The following ZNF804B variants were observed in gnomAD, a reference collection of about 807,000 sequenced individuals.
The protein encoded by ZNF804B is zinc finger 804B.
Under a neutral mutation model 101.4 loss-of-function variants are expected in ZNF804B, and 80 were observed. The observed-to-expected ratio is 0.79, with a 90% CI of 0.66 to 0.95. ZNF804B has a LOEUF of 0.95. ZNF804B is among the 40% of genes least tolerant of loss of function. The probability of loss-of-function intolerance (pLI) is 0.00; values close to 1 mark genes in which losing one functional copy is unlikely to be tolerated. For synonymous variants in ZNF804B, 622 were observed against 558.8 expected (o/e 1.11, Z -1.59); for missense variants, 1,673 against 1,561.9 (o/e 1.07, Z -1.20).
chr7:89,289,783 C>T (rs1790258197), intron 2 of ZNF804B, among the ~76,000 whole-genome samples: 1 of 152,150 alleles, frequency 6.6e-6, no homozygotes, highest in Non-Finnish European at 1.5e-5. Flanking sequence ...GTAGTCTAGG[C>T]CACAAAGACT....
chr7:88,820,574 G>A lies in ZNF804B; in HGVS notation c.108+60490G>A, dbSNP rs1790962030. On this transcript the variant is annotated intron_variant, in intron 1 of 3. Coordinates refer to ENST00000333190, the MANE Select transcript of ZNF804B (RefSeq NM_181646.5). ...GTGGCTTGCAGTTGTTAAGTCACTT[G>A]AAGTAGATGCCTGTAATGTTCTGGA... is the stretch of plus-strand genomic sequence containing the variant. Among the ~76,000 whole-genome samples, 3 of 152,184 alleles carry A rather than the reference G, an allele frequency of 2.0e-5. No homozygotes were observed. In the South Asian group the frequency reaches 6.2e-4, roughly 31 times the overall value.
intron 1 of ZNF804B, among the ~76,000 whole-genome samples, chr7:89,059,271 A>AC (rs1266563245): frequency 3.9e-4 from 60 of 152,306 alleles, no homozygotes; most frequent in Non-Finnish European, 1.8e-4. Flanking sequence ...ATAAAGAAAT[A>AC]CCTGAGGCTG....
chr7:88,924,645 A>G (rs1434628677), intron 1 of ZNF804B, among the ~76,000 whole-genome samples: 2 of 152,190 alleles, frequency 1.3e-5, no homozygotes, highest in Admixed American at 6.5e-5. Flanking sequence ...CTCTTCCACA[A>G]GAAATTTACA....
intron 1 of ZNF804B, among the ~76,000 whole-genome samples, chr7:88,929,662 AT>A (rs1306391170): frequency 1.3e-5 from 2 of 151,942 alleles, no homozygotes; most frequent in African/African-American, 2.4e-5. Context: ...TGCTGTAAAC[AT>A]TTCCTGATTC....
At chr7:89,060,104 G>A (rs1789356060) in intron 1 of ZNF804B, among the ~76,000 whole-genome samples, 1 of 152,086 alleles carries the variant, frequency 6.6e-6, no homozygotes, top group Admixed American at 6.6e-5. Context: ...GAGGCCTTGG[G>A]ACTTGGACTG....
At chr7:89,094,394 T>C (rs754033430) in intron 1 of ZNF804B, among the ~76,000 whole-genome samples, 7 of 152,202 alleles carry the variant, frequency 4.6e-5, no homozygotes, top group Non-Finnish European at 8.8e-5. Context: ...TCCAGTTGTC[T>C]TTTTGAGGTT....
At chr7:89,134,976 T>C (rs1224766599) in intron 1 of ZNF804B, among the ~76,000 whole-genome samples, 1 of 152,112 alleles carries the variant, frequency 6.6e-6, no homozygotes, top group Non-Finnish European at 1.5e-5. Flanking sequence ...AATATTTCAG[T>C]GGTGGAAAAA....
chr7:88,777,010 G>C (rs895322833), intron 1 of ZNF804B, among the ~76,000 whole-genome samples: 1 of 152,102 alleles, frequency 6.6e-6, no homozygotes, highest in Non-Finnish European at 1.5e-5. Context: ...ATTGCCCCTA[G>C]AGCTGGAAGG....
chr7:88,946,110 G>C (rs899383596), intron 1 of ZNF804B, among the ~76,000 whole-genome samples: 2 of 152,044 alleles, frequency 1.3e-5, no homozygotes, highest in Admixed American at 6.6e-5. Flanking sequence ...TCCCTGGCTA[G>C]AACTTCCAAT....
chr7:88,800,035 G>T (rs1413738984), intron 1 of ZNF804B, among the ~76,000 whole-genome samples: 1 of 151,866 alleles, frequency 6.6e-6, no homozygotes, highest in Non-Finnish European at 1.5e-5. Flanking sequence ...CTGTGCTCAG[G>T]TCCTAGCGAA....
intron 1 of ZNF804B, among the ~76,000 whole-genome samples, chr7:89,087,505 A>G (rs1369145114): frequency 6.6e-6 from 1 of 151,994 alleles, no homozygotes; most frequent in Non-Finnish European, 1.5e-5. Flanking sequence ...CACTAAGTAA[A>G]TATTACAGTT....
intron 2 of ZNF804B, among the ~76,000 whole-genome samples, chr7:89,294,701 T>C (rs1790351713): frequency 1.3e-5 from 2 of 152,040 alleles, no homozygotes; most frequent in Admixed American, 6.6e-5. Flanking sequence ...AATTCACTGA[T>C]ATTAAAATTT....
intron 1 of ZNF804B, among the ~76,000 whole-genome samples, chr7:89,122,042 A>C (rs1212421283): frequency 6.6e-6 from 1 of 151,508 alleles, no homozygotes; most frequent in Non-Finnish European, 1.5e-5. Context: ...TATATTAATT[A>C]TGCTATATGT....
At chr7:88,787,597 A>G (rs1020275667) in intron 1 of ZNF804B, among the ~76,000 whole-genome samples, 1 of 152,200 alleles carries the variant, frequency 6.6e-6, no homozygotes, top group African/African-American at 2.4e-5. Context: ...TTCTTCAAAG[A>G]TGTCACCATA....
At position 88,759,961 on chromosome 7, in the gene ZNF804B, C is replaced by T. The variant is rs374714445; in HGVS notation, c.-16C>T. ...CTGGTGAGGAGTTGAGACTCTGCGCCTCCGCCCGGACCCACATGGCTTGTT... is the reference window on the plus strand; with the variant it reads ...CTGGTGAGGAGTTGAGACTCTGCGCTTCCGCCCGGACCCACATGGCTTGTT... On this transcript the variant is annotated 5_prime_UTR_variant, in exon 1 of 4. Coordinates refer to ENST00000333190, the MANE Select transcript of ZNF804B (RefSeq NM_181646.5). 1.2e-6 allele frequency: 2 copies of T among 1,612,754 alleles called. No individual in the cohort carries two copies. Among genetic ancestry groups the T allele is most frequent in the South Asian group, 2.2e-5 (2 of 91,048 alleles).
chr7:89,210,534 C>G (rs995833127), intron 1 of ZNF804B, among the ~76,000 whole-genome samples: 1 of 152,080 alleles, frequency 6.6e-6, no homozygotes, highest in African/African-American at 2.4e-5. Context: ...ATGTGTTGCT[C>G]TCCTCCCTGT....
intron 1 of ZNF804B, among the ~76,000 whole-genome samples, chr7:88,791,451 A>G (rs1298078125): frequency 1.3e-5 from 2 of 152,170 alleles, no homozygotes; most frequent in Non-Finnish European, 2.9e-5. Flanking sequence ...CGATATGCTA[A>G]GTAAATCAGC....
chr7:88,968,028 A>T (rs1430199769), intron 1 of ZNF804B, among the ~76,000 whole-genome samples: 1 of 151,560 alleles, frequency 6.6e-6, no homozygotes, highest in Non-Finnish European at 1.5e-5. Context: ...AAAAGGAAAC[A>T]TTTAAAAAAT....
At chr7:88,891,437 T>C (rs1299308218) in intron 1 of ZNF804B, among the ~76,000 whole-genome samples, 2 of 152,138 alleles carry the variant, frequency 1.3e-5, no homozygotes, top group Admixed American at 1.3e-4. Context: ...TACCCTATTA[T>C]TCAAACCTTA....
Sources: allele counts gnomAD v4.1 joint callset (sites outside exome capture counted in the v4.1 genomes callset), GRCh38; gene constraint gnomAD v4.1.1; transcripts MANE v1.5; gene names NCBI Gene and HGNC (gene_info 2026-07-23, HGNC 2026-07-21).